PLEKHA8: variants seen among roughly 807,000 people sequenced by gnomAD.
PLEKHA8 encodes pleckstrin homology domain containing A8.
In PLEKHA8, 36 loss-of-function variants were observed where a neutral mutation model predicts 68.2. The observed-to-expected ratio is 0.53, with a 90% confidence interval of 0.40 to 0.70. The LOEUF (loss-of-function observed/expected upper bound fraction) is 0.70. Ranked by LOEUF, PLEKHA8 falls within the 30% of genes least tolerant of loss-of-function variation. PLEKHA8 has a pLI of 0.00. For missense variants in PLEKHA8, 505 were observed against 615.4 expected (o/e 0.82, Z 1.90); for synonymous variants, 211 against 216.1 (o/e 0.98, Z 0.20).
chr7:30,054,180 CAAG>C lies in PLEKHA8; in HGVS notation c.797-525_797-523del, dbSNP rs1792639871. Among the ~76,000 whole-genome samples, 4 of 152,264 alleles carry C rather than the reference CAAG, an allele frequency of 2.6e-5. No homozygotes were observed. In the South Asian group the frequency reaches 8.3e-4, roughly 32 times the overall value. On this transcript the variant is annotated intron_variant, in intron 7 of 13. Coordinates refer to ENST00000449726, the MANE Select transcript of PLEKHA8 (RefSeq NM_001197026.2). Reference sequence around the variant, plus strand: ...TTTGTCTATACTATGAGAGCTGAAACAAGAAGGCAGAACATCACATTGCTCTAC... The same window carrying C: ...TTTGTCTATACTATGAGAGCTGAAACAAGGCAGAACATCACATTGCTCTAC...
chr7:30,047,770 A>G (rs1792069503), intron 3 of PLEKHA8, 62 bp from the exon 4 acceptor site: 3 of 1,511,546 alleles, frequency 2.0e-6, no homozygotes, highest in African/African-American at 1.4e-5. Context: ...TCTGCATAGT[A>G]TCCTAACTAG....
chr7:30,058,798 A>C (rs2127986129), intron 9 of PLEKHA8, among the ~76,000 whole-genome samples: 1 of 152,340 alleles, frequency 6.6e-6, no homozygotes, highest in Non-Finnish European at 1.5e-5. Flanking sequence ...ATTACATTAT[A>C]TCTCTAAACC....
chr7:30,049,188 A>G, intron 4 of PLEKHA8, 36 bp from the exon 5 acceptor site: 2 of 1,612,408 alleles, frequency 1.2e-6, no homozygotes, highest in Non-Finnish European at 1.7e-6. Flanking sequence ...CTTTTTTGGC[A>G]AGGTAAAGGA....
In PLEKHA8 at chr7:30,055,316, C is replaced by T. The variant is rs1348353445; in HGVS notation, c.1013C>T (p.Ser338Leu). ...ATTCCCACAGAAGCATTCTTGGCAT[C>T]ATGTTATGCTGTGGTTCCAGTATTA... ...SGIPTEAFLA[S>L]CYAVVPVLDK... Residue 338 changes from serine to leucine, a missense_variant, in exon 9 of 14, where the codon TCA becomes TTA. Coordinates refer to ENST00000449726, the MANE Select transcript of PLEKHA8 (RefSeq NM_001197026.2). 2.5e-6 allele frequency: 4 copies of T among 1,614,104 alleles called. No homozygotes were observed.
intron 12 of PLEKHA8, among the ~76,000 whole-genome samples, chr7:30,089,852 A>G (rs1332839396): frequency 6.6e-6 from 1 of 152,176 alleles, no homozygotes; most frequent in African/African-American, 2.4e-5. Context: ...AGATAAGAAA[A>G]CTTCCCTAAA....
intron 12 of PLEKHA8, among the ~76,000 whole-genome samples, chr7:30,066,140 G>A (rs999796170): frequency 1.2e-4 from 18 of 152,206 alleles, no homozygotes; most frequent in Non-Finnish European, 1.6e-4. Context: ...TAAAACTGCT[G>A]AAATTAGTTA....
At chr7:30,040,555 A>G (rs1000213190) in intron 1 of PLEKHA8, among the ~76,000 whole-genome samples, 1 of 152,232 alleles carries the variant, frequency 6.6e-6, no homozygotes, top group African/African-American at 2.4e-5. Flanking sequence ...ATTTAGGCCT[A>G]AATCACATAC....
At position 30,055,238 on chromosome 7, in the gene PLEKHA8, A is replaced by C. The variant is rs116386701; in HGVS notation, c.954-19A>C. 17 of 1,608,242 alleles carry C rather than the reference A, an allele frequency of 1.1e-5. No homozygotes were observed. In the African/African-American group the frequency reaches 2.0e-4, roughly 19 times the overall value. ...CTGTATTTTCAATCTTTTCTCCTCCATATCACCAAATTATGTAGCTTTAGT... is the reference window on the plus strand; with the variant it reads ...CTGTATTTTCAATCTTTTCTCCTCCCTATCACCAAATTATGTAGCTTTAGT... On this transcript the variant is annotated intron_variant, in intron 8 of 13. Coordinates refer to ENST00000449726, the MANE Select transcript of PLEKHA8 (RefSeq NM_001197026.2).
Position 30,028,680 on chromosome 7 carries a change from G to T in PLEKHA8, c.-83G>T. 1 of 1,077,726 alleles carries T rather than the reference G, an allele frequency of 9.3e-7. No homozygotes were observed. The highest frequency in any genetic ancestry group is 3.2e-5 in the East Asian group (1 of 30,882). 66.8% of individuals were successfully genotyped at this position (1,077,726 alleles called of 1,614,324 possible). The stretch of plus-strand genomic sequence containing the variant: ...GGCGTCTGGGCAGCGCCAGGCGATG[G>T]CCCTGCTGCTGGTGCTCCTCGCCTC... On this transcript the variant is annotated 5_prime_UTR_variant, in exon 1 of 14. Coordinates refer to ENST00000449726, the MANE Select transcript of PLEKHA8 (RefSeq NM_001197026.2).
At chr7:30,114,519 C>G in intron 13 of PLEKHA8, among the ~76,000 whole-genome samples, 1 of 152,214 alleles carries the variant, frequency 6.6e-6, no homozygotes, top group Non-Finnish European at 1.5e-5. Flanking sequence ...TTAATTACAT[C>G]TTTTAGGGCT....
At chr7:30,048,707 G>C (rs999056526) in intron 4 of PLEKHA8, among the ~76,000 whole-genome samples, 10 of 152,150 alleles carry the variant, frequency 6.6e-5, no homozygotes, top group South Asian at 2.1e-4. Context: ...GGTAGTAGAA[G>C]AACACTATGC....
intron 1 of PLEKHA8, among the ~76,000 whole-genome samples, chr7:30,032,258 G>C (rs1285112665): frequency 6.6e-6 from 1 of 152,204 alleles, no homozygotes; most frequent in African/African-American, 2.4e-5. Flanking sequence ...TCAGGAGTCA[G>C]AGAGACCTGA....
At chr7:30,070,687 G>A (rs1329415120) in intron 12 of PLEKHA8, among the ~76,000 whole-genome samples, 2 of 151,556 alleles carry the variant, frequency 1.3e-5, no homozygotes, top group Non-Finnish European at 1.5e-5. Context: ...CTGGGATTAC[G>A]GGCACCCACC....
chr7:30,101,125 G>A (rs948307534), intron 13 of PLEKHA8, among the ~76,000 whole-genome samples: 5 of 151,630 alleles, frequency 3.3e-5, no homozygotes, highest in African/African-American at 9.7e-5. Context: ...GGGAGGCAGA[G>A]ATTGCAGTGA....
exon 13 of PLEKHA8, chr7:30,090,425 A>C: frequency 2.4e-6 from 1 of 423,304 alleles, no homozygotes. Flanking sequence ...CTCAGAACAT[A>C]ATACCTGAGT....
At position 30,068,849 on chromosome 7, in the gene PLEKHA8, T is replaced by A. The variant is rs1794044074; in HGVS notation, c.1301-5222T>A. Among the ~76,000 whole-genome samples, 4 of 152,310 alleles carry A rather than the reference T, an allele frequency of 2.6e-5. No homozygotes were observed. The South Asian group carries it at 8.3e-4, about 32-fold the overall frequency. On this transcript the variant is annotated intron_variant, in intron 12 of 13. Transcript: ENST00000449726. Reference sequence around the variant, plus strand: ...CATTTTCTTCTCGAAGTTTTGTAGGTTTGCTTTCATATTTATGTCTTTAAT... The same window carrying A: ...CATTTTCTTCTCGAAGTTTTGTAGGATTGCTTTCATATTTATGTCTTTAAT...
At chr7:30,075,477 C>A (rs1178063431) in intron 13 of PLEKHA8, among the ~76,000 whole-genome samples, 4 of 152,142 alleles carry the variant, frequency 2.6e-5, no homozygotes, top group Non-Finnish European at 4.4e-5. Flanking sequence ...ACAATTAATT[C>A]CAGTCCCCAA....
In PLEKHA8 at chr7:30,129,138, T is replaced by C; in HGVS notation, c.1363-128T>C. ...CTTAGCAATAAGATTCTGGAAAATATACCTTGCTGAAAAACTACTGATACA... is the reference window on the plus strand; with the variant it reads ...CTTAGCAATAAGATTCTGGAAAATACACCTTGCTGAAAAACTACTGATACA... On this transcript the variant is annotated intron_variant, in intron 13 of 13. Coordinates refer to the PLEKHA8 transcript ENST00000396257. 5.3e-6 allele frequency: 7 copies of C among 1,313,970 alleles called. No individual in the cohort carries two copies. In the South Asian group the frequency reaches 7.3e-5, roughly 14 times the overall value. The allele number at this position is 1,313,970 out of a possible 1,614,324, so 81.4% of individuals were successfully genotyped here. A position where few individuals can be genotyped will look rare whatever the true frequency, so the allele number is the denominator to read the frequency against.
intron 1 of PLEKHA8, among the ~76,000 whole-genome samples, chr7:30,043,702 C>G (rs1344946790): frequency 1.3e-5 from 2 of 152,202 alleles, no homozygotes; most frequent in Non-Finnish European, 2.9e-5. Flanking sequence ...GCTGACTATT[C>G]AGGCTTCTGA....
Sources: allele counts gnomAD v4.1 joint callset (sites outside exome capture counted in the v4.1 genomes callset), GRCh38; gene constraint gnomAD v4.1.1; transcripts MANE v1.5; gene names NCBI Gene and HGNC (gene_info 2026-07-23, HGNC 2026-07-21).